Variants in CNTNAP2 observed in about 807,000 individuals in gnomAD.
CNTNAP2 encodes contactin associated protein 2.
A neutral mutation model predicts 155.2 loss-of-function variants in CNTNAP2; 98 were observed. That is an observed-to-expected ratio of 0.63 (90% CI 0.54 to 0.75). The LOEUF is 0.75. Among genes scored for constraint, CNTNAP2 ranks in the 30% least tolerant of loss-of-function variants. The pLI is 0.00. For missense variants in CNTNAP2, 1,727 were observed against 1,688.1 expected (o/e 1.02, Z -0.40); for synonymous variants, 651 against 631.2 (o/e 1.03, Z -0.47).
chr7:147,008,161 A>C (rs1798559246), intron 3 of CNTNAP2, among the ~76,000 whole-genome samples: 1 of 152,128 alleles, frequency 6.6e-6, no homozygotes, highest in Admixed American at 6.6e-5. Context: ...AATATTCTAA[A>C]CTATCATTTG....
chr7:146,693,984 G>A (rs1800742057), intron 1 of CNTNAP2, among the ~76,000 whole-genome samples: 1 of 151,428 alleles, frequency 6.6e-6, no homozygotes, highest in Admixed American at 6.6e-5. Flanking sequence ...GAACAAAAAA[G>A]CAGTGTAATT....
chr7:148,250,492 C>T (rs890540310), intron 20 of CNTNAP2, among the ~76,000 whole-genome samples: 32 of 152,324 alleles, frequency 2.1e-4, no homozygotes, highest in African/African-American at 7.0e-4. Context: ...AATGAATAAA[C>T]GGACCTGTGA....
At chr7:146,430,974 G>A (rs1584922115) in intron 1 of CNTNAP2, among the ~76,000 whole-genome samples, 1 of 151,998 alleles carries the variant, frequency 6.6e-6, no homozygotes, top group East Asian at 1.9e-4. Context: ...AATATTAGAA[G>A]TATTTCATAA....
intron 1 of CNTNAP2, among the ~76,000 whole-genome samples, chr7:146,540,226 A>G (rs1028708318): frequency 6.6e-6 from 1 of 151,976 alleles, no homozygotes; most frequent in Admixed American, 6.6e-5. Context: ...TCTTTATTGG[A>G]TTCAGTATTG....
intron 1 of CNTNAP2, among the ~76,000 whole-genome samples, chr7:146,703,800 A>G (rs994280595): frequency 1.3e-5 from 2 of 152,136 alleles, no homozygotes; most frequent in Non-Finnish European, 2.9e-5. Flanking sequence ...ATTGGGGATT[A>G]GGCTTCAACC....
rs553370786 is a variant in CNTNAP2 at position 146,146,015 on chromosome 7, A to G, written c.97+29042A>G. Among the ~76,000 whole-genome samples the G allele has an allele frequency of 6.6e-5, 10 of 152,302 alleles. No homozygotes were observed. The South Asian group carries it at 1.0e-3, about 16-fold the overall frequency. On this transcript the variant is annotated intron_variant, in intron 1 of 23. Transcript: ENST00000361727. Reference sequence around the variant, plus strand: ...AAATACAATAAAAATTTAAACCACTAACCTTTAAATGATATATTTTGTTTT... The same window carrying G: ...AAATACAATAAAAATTTAAACCACTGACCTTTAAATGATATATTTTGTTTT...
chr7:147,767,635 C>T (rs1797402647), intron 13 of CNTNAP2, among the ~76,000 whole-genome samples: 1 of 151,954 alleles, frequency 6.6e-6, no homozygotes, highest in Non-Finnish European at 1.5e-5. Context: ...ATTTTCCAAA[C>T]ATACATGTAA....
intron 13 of CNTNAP2, among the ~76,000 whole-genome samples, chr7:147,808,488 T>A (rs752019292): frequency 6.6e-6 from 1 of 152,222 alleles, no homozygotes; most frequent in African/African-American, 2.4e-5. Flanking sequence ...TATGTATATT[T>A]GCACTCATTC....
intron 10 of CNTNAP2, among the ~76,000 whole-genome samples, chr7:147,453,086 A>G (rs1309815209): frequency 1.3e-5 from 2 of 152,104 alleles, no homozygotes; most frequent in East Asian, 3.9e-4. Flanking sequence ...GAGAAATGGA[A>G]GGCAGGCATA....
intron 8 of CNTNAP2, among the ~76,000 whole-genome samples, chr7:147,290,104 G>T (rs1414275248): frequency 6.6e-6 from 1 of 152,134 alleles, no homozygotes; most frequent in Non-Finnish European, 1.5e-5. Context: ...ACAGGGTTAG[G>T]TTCCTGCCAG....
intron 19 of CNTNAP2, among the ~76,000 whole-genome samples, chr7:148,228,396 A>G (rs1343508629): frequency 6.6e-6 from 1 of 152,196 alleles, no homozygotes; most frequent in Non-Finnish European, 1.5e-5. Flanking sequence ...AAAGTGAACT[A>G]TCATTGAGGG....
chr7:147,178,052 C>A (rs371928768), intron 8 of CNTNAP2, among the ~76,000 whole-genome samples: 38 of 152,168 alleles, frequency 2.5e-4, no homozygotes, highest in South Asian at 1.0e-3. Context: ...CCCCATCCGC[C>A]CCCCCACCAC....
chr7:146,993,147 A>G (rs748426631), intron 3 of CNTNAP2, among the ~76,000 whole-genome samples: 5 of 152,180 alleles, frequency 3.3e-5, no homozygotes, highest in Non-Finnish European at 7.4e-5. Context: ...AATAAAATAC[A>G]CTTGGAAGAA....
At chr7:146,673,794 G>C (rs188713651) in intron 1 of CNTNAP2, among the ~76,000 whole-genome samples, 1 of 152,106 alleles carries the variant, frequency 6.6e-6, no homozygotes, top group East Asian at 1.9e-4. Context: ...ATTTGCCCAG[G>C]CTGGTCTCAA....
At chr7:146,661,716 C>A (rs1800091702) in intron 1 of CNTNAP2, among the ~76,000 whole-genome samples, 1 of 75,398 alleles carries the variant, frequency 1.3e-5, no homozygotes, top group Non-Finnish European at 3.1e-5. Context: ...TTTTCTTTTT[C>A]TTTCTTTCTT....
chr7:146,712,159 CTT>C (rs1801095370), intron 1 of CNTNAP2, among the ~76,000 whole-genome samples: 1 of 124,478 alleles, frequency 8.0e-6, no homozygotes, highest in African/African-American at 3.0e-5. Context: ...GTATACATAT[CTT>C]ATGTATACAA....
At chr7:146,306,373 G>A (rs909525547) in intron 1 of CNTNAP2, among the ~76,000 whole-genome samples, 14 of 152,064 alleles carry the variant, frequency 9.2e-5, no homozygotes, top group African/African-American at 3.4e-4. Flanking sequence ...AGAAAAAGAG[G>A]GAATCCTCTC....
chr7:146,933,419 C>A (rs1488671983), intron 3 of CNTNAP2, among the ~76,000 whole-genome samples: 1 of 151,294 alleles, frequency 6.6e-6, no homozygotes, highest in Non-Finnish European at 1.5e-5. Context: ...CTTCCTTATA[C>A]CTTATACAAA....
At chr7:147,048,136 G>A (rs904866194) in intron 4 of CNTNAP2, among the ~76,000 whole-genome samples, 13 of 142,168 alleles carry the variant, frequency 9.1e-5, no homozygotes, top group South Asian at 4.4e-4. Context: ...GTGCAGTGGC[G>A]TGATCTCGGC....
Sources: allele counts gnomAD v4.1 joint callset (sites outside exome capture counted in the v4.1 genomes callset), GRCh38; gene constraint gnomAD v4.1.1; transcripts MANE v1.5; gene names NCBI Gene and HGNC (gene_info 2026-07-23, HGNC 2026-07-21).